PTPN13: variants seen among roughly 807,000 people sequenced by gnomAD.
PTPN13 encodes protein tyrosine phosphatase non-receptor type 13.
Under a neutral mutation model 284.0 loss-of-function variants are expected in PTPN13, and 191 were observed. The ratio of observed to expected loss-of-function variants is 0.67; its 90% CI spans 0.60 to 0.76. The LOEUF is 0.76. PTPN13 is among the 30% of genes least tolerant of loss of function. The pLI, the probability that PTPN13 is intolerant of heterozygous loss-of-function variation, is 0.00. For synonymous variants in PTPN13, 986 were observed against 1,022.3 expected, an observed-to-expected ratio of 0.96 and a Z score of 0.68; for missense variants, 2,797 against 2,939.9, an observed-to-expected ratio of 0.95 and a Z score of 1.12.
intron 1 of PTPN13, among the ~76,000 whole-genome samples, chr4:86,601,738 C>T (rs1764308390): frequency 1.3e-5 from 2 of 152,124 alleles, no homozygotes; most frequent in Admixed American, 6.5e-5. Context: ...ATGAATACTG[C>T]TGTTCTTCCA....
In PTPN13 at chr4:86,693,735, A is replaced by T. The variant is rs1049943076; in HGVS notation, c.634+61A>T. On this transcript the variant is annotated intron_variant, in intron 6 of 47. Transcript: ENST00000411767. ...ACCTTATCCCATTGTTTTCTTTACA[A>T]AATTATACTTACCTGGCTTTGAAAT... 1.6e-4 allele frequency: 187 copies of T among 1,198,768 alleles called. No homozygotes were observed. The African/African-American group carries it at 2.7e-3, about 18-fold the overall frequency. The allele number at this position is 1,198,768 out of a possible 1,614,324, so 74.3% of individuals were successfully genotyped here. A position where few individuals can be genotyped will look rare whatever the true frequency, so the allele number is the denominator to read the frequency against.
chr4:86,672,086 A>G (rs894075135), intron 2 of PTPN13, among the ~76,000 whole-genome samples: 19 of 152,344 alleles, frequency 1.2e-4, no homozygotes, highest in Admixed American at 5.2e-4. Flanking sequence ...AATTCTTAAG[A>G]ACAATGAAAG....
chr4:86,640,861 T>C (rs1723706790), intron 2 of PTPN13, among the ~76,000 whole-genome samples: 1 of 152,188 alleles, frequency 6.6e-6, no homozygotes, highest in Admixed American at 6.6e-5. Context: ...GAGGTAGCTG[T>C]GTCTTAAATA....
chr4:86,754,531 T>C (rs1436501815), intron 20 of PTPN13, among the ~76,000 whole-genome samples: 1 of 152,004 alleles, frequency 6.6e-6, no homozygotes, highest in Non-Finnish European at 1.5e-5. Context: ...CATAGAGAGT[T>C]AAGTTGTACA....
intron 3 of PTPN13, among the ~76,000 whole-genome samples, chr4:86,677,156 A>T (rs1728365493): frequency 6.6e-6 from 1 of 151,802 alleles, no homozygotes; most frequent in Non-Finnish European, 1.5e-5. Flanking sequence ...AGTCCCAGCT[A>T]CTTGCGAGGC....
chr4:86,636,245 C>T (rs1161129308), intron 2 of PTPN13, among the ~76,000 whole-genome samples: 1 of 152,176 alleles, frequency 6.6e-6, no homozygotes, highest in African/African-American at 2.4e-5. Flanking sequence ...ATAGGGTCAA[C>T]AAGTATTTTG....
At chr4:86,646,582 G>A (rs2148785468) in intron 2 of PTPN13, among the ~76,000 whole-genome samples, 1 of 152,354 alleles carries the variant, frequency 6.6e-6, no homozygotes, top group Middle Eastern at 3.4e-3. Context: ...ACAGGCACGA[G>A]CCACTGTGCC....
intron 2 of PTPN13, among the ~76,000 whole-genome samples, chr4:86,655,370 T>C (rs1182006834): frequency 4.6e-5 from 7 of 152,230 alleles, no homozygotes; most frequent in Admixed American, 2.0e-4. Context: ...GTTTTTGCAG[T>C]GGCTGGTACC....
At chr4:86,796,263 G>C (rs1743330853) in intron 40 of PTPN13, among the ~76,000 whole-genome samples, 1 of 152,062 alleles carries the variant, frequency 6.6e-6, no homozygotes, top group South Asian at 2.1e-4. Context: ...TACCAAATGT[G>C]CATATCTAAA....
At chr4:86,812,464 G>A (rs1745338063) in intron 47 of PTPN13, among the ~76,000 whole-genome samples, 1 of 152,156 alleles carries the variant, frequency 6.6e-6, no homozygotes. Context: ...AAATTATATA[G>A]GATCCCTGAA....
intron 40 of PTPN13, among the ~76,000 whole-genome samples, chr4:86,789,661 C>T (rs904754101): frequency 5.9e-5 from 9 of 151,564 alleles, no homozygotes; most frequent in Non-Finnish European, 8.8e-5. Flanking sequence ...GGGCTGACCA[C>T]GATAAAAAAA....
intron 1 of PTPN13, among the ~76,000 whole-genome samples, chr4:86,618,443 GT>G (rs1423255201): frequency 3.3e-5 from 5 of 152,142 alleles, no homozygotes; most frequent in African/African-American, 1.2e-4. Flanking sequence ...CTTTAAAGTA[GT>G]TTTTTCCTAT....
chr4:86,703,903 T>C (rs1731435373), intron 7 of PTPN13, among the ~76,000 whole-genome samples: 1 of 152,120 alleles, frequency 6.6e-6, no homozygotes, highest in South Asian at 2.1e-4. Flanking sequence ...CCAGGCGTGG[T>C]GGCTCATGCC....
At position 86,701,451 on chromosome 4, in the gene PTPN13, CA is replaced by C. The variant is rs1409182549; in HGVS notation, c.846del (p.Glu283LysfsTer47). On this transcript the variant is annotated frameshift_variant, in exon 7 of 48. Transcript: ENST00000411767. LOFTEE classifies it high-confidence loss of function. Reference sequence around the variant, plus strand: ...CCTTACCAGTTCAAAACTAGTGGCCCAGAAAAAAAACCCATCCCTGGCATTG... The same window carrying C: ...CCTTACCAGTTCAAAACTAGTGGCCCGAAAAAAAACCCATCCCTGGCATTG... ...FSPYQFKTSG[P>X]EKKPIPGIDV... 3 of 1,613,534 alleles carry C rather than the reference CA, an allele frequency of 1.9e-6. No homozygotes were observed. The highest frequency in any genetic ancestry group is 2.5e-6 in the Non-Finnish European group (3 of 1,179,730).
At chr4:86,748,195 A>T (rs1024809398) in intron 17 of PTPN13, among the ~76,000 whole-genome samples, 1 of 152,244 alleles carries the variant, frequency 6.6e-6, no homozygotes, top group East Asian at 1.9e-4. Context: ...GAAGCACAAA[A>T]TGGTACCAGG....
At chr4:86,686,865 C>G in intron 4 of PTPN13, 90 bp downstream of exon 4, 4 of 859,274 alleles carry the variant, frequency 4.7e-6, no homozygotes, top group Non-Finnish European at 7.3e-6. Flanking sequence ...TATACGTGTT[C>G]TACAGCATGC....
intron 2 of PTPN13, among the ~76,000 whole-genome samples, chr4:86,652,023 A>G (rs575128401): frequency 2.0e-5 from 3 of 152,196 alleles, no homozygotes; most frequent in Non-Finnish European, 4.4e-5. Flanking sequence ...TTGAGGCTTC[A>G]GTGCACTATG....
intron 1 of PTPN13, among the ~76,000 whole-genome samples, chr4:86,613,244 A>G (rs747045600): frequency 6.6e-6 from 1 of 152,220 alleles, no homozygotes. Context: ...CCGAGCACTT[A>G]CCAAAATTCC....
At chr4:86,617,649 T>C (rs1252294612) in intron 1 of PTPN13, among the ~76,000 whole-genome samples, 1 of 152,166 alleles carries the variant, frequency 6.6e-6, no homozygotes, top group African/African-American at 2.4e-5. Context: ...GGTATCTCAT[T>C]GTGGTTTTGA....
Sources: allele counts gnomAD v4.1 joint callset (sites outside exome capture counted in the v4.1 genomes callset), GRCh38; gene constraint gnomAD v4.1.1; transcripts MANE v1.5; gene names NCBI Gene and HGNC (gene_info 2026-07-23, HGNC 2026-07-21).